Variants in ACYP2 observed in about 807,000 individuals in gnomAD.
The protein encoded by ACYP2 is acylphosphatase 2.
In ACYP2, 12 loss-of-function variants were observed where a neutral mutation model predicts 11.2. The observed-to-expected ratio is 1.08, with a 90% CI of 0.69 to 1.74. ACYP2 has a LOEUF of 1.74. ACYP2 is among the 40% of genes most tolerant of loss of function. The probability of loss-of-function intolerance (pLI) is 0.00; values close to 1 mark genes in which losing one functional copy is unlikely to be tolerated. For missense variants in ACYP2, 134 were observed against 101.9 expected (o/e 1.31, Z -1.35); for synonymous variants, 43 against 32.2 (o/e 1.33, Z -1.13).
chr2:54,165,476 CTGTG>C (rs1375535975), intron 6 of ACYP2, among the ~76,000 whole-genome samples: 4 of 151,626 alleles, frequency 2.6e-5, no homozygotes, highest in Admixed American at 6.6e-5. Flanking sequence ...CTCTCTTTCT[CTGTG>C]TGTGTGTCTG....
chr2:54,014,625 C>G (rs1476649128), intron 2 of ACYP2, among the ~76,000 whole-genome samples: 1 of 152,050 alleles, frequency 6.6e-6, no homozygotes, highest in African/African-American at 2.4e-5. Flanking sequence ...CCAGCCGTCC[C>G]CTATGCCTTT....
At chr2:54,084,800 G>A (rs1158680737) in intron 4 of ACYP2, 1 of 152,202 alleles carries the variant, frequency 6.6e-6, no homozygotes, top group Non-Finnish European at 1.5e-5. Context: ...AACTTGCCTT[G>A]CACTGCCCTC....
At chr2:54,228,553 C>T (rs1686102178) in intron 6 of ACYP2, among the ~76,000 whole-genome samples, 1 of 152,114 alleles carries the variant, frequency 6.6e-6, no homozygotes, top group Non-Finnish European at 1.5e-5. Flanking sequence ...AAACCACCTT[C>T]TATGAATTTG....
At chr2:54,016,431 G>A (rs1255712508) in intron 2 of ACYP2, among the ~76,000 whole-genome samples, 1 of 148,542 alleles carries the variant, frequency 6.7e-6, no homozygotes, top group Admixed American at 6.7e-5. Context: ...CAGGAGTTAA[G>A]GCCAAACAGG....
chr2:54,250,498 C>G (rs1434388628), intron 6 of ACYP2, among the ~76,000 whole-genome samples: 2 of 152,140 alleles, frequency 1.3e-5, no homozygotes, highest in Admixed American at 1.3e-4. Context: ...TTGAAAGTAT[C>G]TTCTATCTCA....
At chr2:54,275,688 C>T (rs1275026034) in intron 6 of ACYP2, among the ~76,000 whole-genome samples, 1 of 152,146 alleles carries the variant, frequency 6.6e-6, no homozygotes, top group Non-Finnish European at 1.5e-5. Context: ...TTCTAAGGAA[C>T]ATCAAGCATA....
chr2:54,172,906 A>G (rs1014907127), intron 6 of ACYP2, among the ~76,000 whole-genome samples: 9 of 152,280 alleles, frequency 5.9e-5, no homozygotes, highest in Non-Finnish European at 1.0e-4. Flanking sequence ...ATAGTATTCC[A>G]TGGTGTATAT....
intron 2 of ACYP2, among the ~76,000 whole-genome samples, chr2:54,010,737 CTTTTTTTTTTTTTTTT>C (rs539896151): frequency 9.3e-6 from 1 of 107,662 alleles, no homozygotes; most frequent in African/African-American, 3.7e-5. Context: ...TTCTTTCTTT[CTTTTTTTTTTTTTTTT>C]TTTTTTTTTT....
At chr2:54,002,545 G>T (rs1013007453) in intron 2 of ACYP2, among the ~76,000 whole-genome samples, 1 of 151,802 alleles carries the variant, frequency 6.6e-6, no homozygotes, top group African/African-American at 2.4e-5. Context: ...GAGGGACAGG[G>T]TTTCACCATG....
rs571276866 is a variant in ACYP2, at chr2:54,216,483, T to A, written c.404+77735T>A. ...ATATTTATAATATTGTCCCATCAAA[T>A]AATATAAAATATATCTCTATTGATG... On this transcript the variant is annotated intron_variant, in intron 6 of 6. Transcript: ENST00000607452. Among the ~76,000 whole-genome samples, 63 of 152,224 alleles carry A rather than the reference T, an allele frequency of 4.1e-4. 2 individuals are homozygous for A. The South Asian group carries it at 0.013, about 31-fold the overall frequency.
chr2:53,978,105 T>C (rs938831634), intron 2 of ACYP2, among the ~76,000 whole-genome samples: 5 of 151,616 alleles, frequency 3.3e-5, no homozygotes, highest in African/African-American at 9.7e-5. Flanking sequence ...CTACTAAAAA[T>C]ACAAAAATGA....
At chr2:54,075,442 G>C (rs1677279071) in intron 4 of ACYP2, among the ~76,000 whole-genome samples, 1 of 151,006 alleles carries the variant, frequency 6.6e-6, no homozygotes, top group Non-Finnish European at 1.5e-5. Context: ...GAGTTGCAGT[G>C]AGCAGAGATG....
At position 53,998,920 on chromosome 2, in the gene ACYP2, T is replaced by C. The variant is rs563376245; in HGVS notation, c.62+25110T>C. Among the ~76,000 whole-genome samples, 62 of 152,290 alleles carry C rather than the reference T, an allele frequency of 4.1e-4. 1 individual carries two copies. The highest frequency in any genetic ancestry group is 1.5e-3 in the African/African-American group (62 of 41,572). On this transcript the variant is annotated intron_variant, in intron 2 of 6. Transcript: ENST00000607452. The stretch of plus-strand genomic sequence containing the variant: ...TTTCATTCTTTGGGCTCTCTGTTCA[T>C]GACTGAAGGGGAAGAGACTAGAGTC...
intron 2 of ACYP2, among the ~76,000 whole-genome samples, chr2:54,017,952 G>A (rs1300642112): frequency 1.3e-5 from 2 of 151,746 alleles, no homozygotes; most frequent in East Asian, 1.9e-4. Flanking sequence ...CTGCCTCCTT[G>A]GCCTCCCAAA....
chr2:54,237,599 CTT>C (rs1437097006), intron 6 of ACYP2, among the ~76,000 whole-genome samples: 1 of 152,172 alleles, frequency 6.6e-6, no homozygotes, highest in African/African-American at 2.4e-5. Context: ...TCTGGCTTCT[CTT>C]GATTCTTTCA....
At chr2:54,244,705 T>G (rs1686875456) in intron 6 of ACYP2, among the ~76,000 whole-genome samples, 1 of 152,144 alleles carries the variant, frequency 6.6e-6, no homozygotes, top group African/African-American at 2.4e-5. Flanking sequence ...TATTCTCTTT[T>G]AGAGATTTCT....
chr2:54,043,621 GATT>G (rs939117262), intron 2 of ACYP2, among the ~76,000 whole-genome samples: 2 of 152,124 alleles, frequency 1.3e-5, no homozygotes, highest in African/African-American at 4.8e-5. Flanking sequence ...TGTGGAATTA[GATT>G]ATATGATATA....
chr2:53,972,135 C>G (rs561491097), intron 1 of ACYP2, among the ~76,000 whole-genome samples: 41 of 151,206 alleles, frequency 2.7e-4, no homozygotes. Context: ...TGGTGAAACC[C>G]CGTCTCTACT....
At chr2:54,230,122 A>G (rs190201283) in intron 6 of ACYP2, among the ~76,000 whole-genome samples, 1 of 152,318 alleles carries the variant, frequency 6.6e-6, no homozygotes, top group African/African-American at 2.4e-5. Flanking sequence ...TATACCTTGA[A>G]ATTGCCCTGC....
Sources: allele counts gnomAD v4.1 joint callset (sites outside exome capture counted in the v4.1 genomes callset), GRCh38; gene constraint gnomAD v4.1.1; transcripts MANE v1.5; gene names NCBI Gene and HGNC (gene_info 2026-07-23, HGNC 2026-07-21).